Variants in DDX60L observed in about 807,000 individuals in gnomAD.
DDX60L encodes the protein DExD/H-box 60 like, also known as probable ATP-dependent RNA helicase DDX60-like.
DDX60L carries 191 observed loss-of-function variants against 211.6 expected under a neutral mutation model. That is an observed-to-expected ratio of 0.90 (90% confidence interval 0.80 to 1.02). The LOEUF (loss-of-function observed/expected upper bound fraction) is 1.02. Among genes scored for constraint, DDX60L ranks in the 50% least tolerant of loss-of-function variants. DDX60L has a pLI of 0.00. For synonymous variants in DDX60L, 706 were observed against 694.1 expected (o/e 1.02, Z -0.27); for missense variants, 2,007 against 1,984.1 (o/e 1.01, Z -0.22).
intron 1 of DDX60L, among the ~76,000 whole-genome samples, chr4:168,477,245 C>T (rs1464840593): frequency 1.3e-5 from 2 of 152,018 alleles, no homozygotes; most frequent in African/African-American, 2.4e-5. Flanking sequence ...GAAACCCTGT[C>T]TCTACTAAAA....
intron 36 of DDX60L, among the ~76,000 whole-genome samples, chr4:168,362,354 C>T (rs1027939514): frequency 6.6e-6 from 1 of 152,212 alleles, no homozygotes; most frequent in African/African-American, 2.4e-5. Flanking sequence ...TGCCACACAG[C>T]TGGCCAGCCC....
At chr4:168,452,939 G>A (rs753826707) in intron 8 of DDX60L, among the ~76,000 whole-genome samples, 185 bp downstream of exon 8, 2 of 152,126 alleles carry the variant, frequency 1.3e-5, no homozygotes, top group Non-Finnish European at 2.9e-5. Context: ...AGGCTCTCAT[G>A]CTTCTATAAA....
chr4:168,428,683 T>C (rs570471143), intron 13 of DDX60L, among the ~76,000 whole-genome samples: 3 of 152,266 alleles, frequency 2.0e-5, no homozygotes, highest in East Asian at 3.9e-4. Context: ...TAAATGTCTT[T>C]CCTTAATTCC....
intron 29 of DDX60L, among the ~76,000 whole-genome samples, chr4:168,388,860 T>C (rs1015706183): frequency 6.6e-5 from 10 of 152,126 alleles, no homozygotes; most frequent in African/African-American, 2.4e-4. Flanking sequence ...AAGGTAATGC[T>C]GACATGGTGG....
intron 25 of DDX60L, among the ~76,000 whole-genome samples, chr4:168,402,909 A>G (rs1210538654): frequency 2.0e-5 from 3 of 152,256 alleles, no homozygotes; most frequent in Non-Finnish European, 4.4e-5. Flanking sequence ...TAAAATGTCT[A>G]TTTTTAAAAA....
chr4:168,396,133 T>TTAA lies in DDX60L; in HGVS notation c.3492-10_3492-9insTTA. ...TTGGGTTTTTTTTAGTGCTACTATTTAAAAAAAAAAAAAAACTTTTAAGTA... is the reference window on the plus strand; with the variant it reads ...TTGGGTTTTTTTTAGTGCTACTATTTTAAAAAAAAAAAAAAAAACTTTTAAGTA... On this transcript the variant is annotated splice_polypyrimidine_tract_variant and intron_variant, in intron 26 of 37. Transcript: ENST00000682922. 1 of 1,176,276 alleles carries TTAA rather than the reference T, an allele frequency of 8.5e-7. No homozygotes were observed. The highest frequency in any genetic ancestry group is 1.1e-6 in the Non-Finnish European group (1 of 870,476). The allele number at this position is 1,176,276 out of a possible 1,614,324, so 72.9% of individuals were successfully genotyped here.
At chr4:168,467,445 C>CAAAAAAAAAAAAAAAA (rs199648164) in intron 4 of DDX60L, among the ~76,000 whole-genome samples, 2 of 109,106 alleles carry the variant, frequency 1.8e-5, no homozygotes, top group African/African-American at 3.3e-5. Context: ...GTTTCCATTC[C>CAAAAAAAAAAAAAAAA]AAAAAAAAAA....
Position 168,456,163 on chromosome 4 carries a change from A to C in DDX60L, c.724-11T>G. 6.7e-7 allele frequency: 1 copy of C among 1,489,186 alleles called. No homozygotes were observed. Among genetic ancestry groups the C allele is most frequent in the East Asian group, 2.5e-5 (1 of 39,992 alleles). The allele number at this position is 1,489,186 out of a possible 1,614,324, so 92.2% of individuals were successfully genotyped here. On this transcript the variant is annotated splice_polypyrimidine_tract_variant and intron_variant, in intron 6 of 37. Coordinates refer to ENST00000682922, the MANE Select transcript of DDX60L (RefSeq NM_001012967.3). ...TAGAGTCTGATACGCCTATCAAAAA[A>C]GAAATTTCTTCAAATGTCAAATTAT...
At chr4:168,361,995 T>G (rs1437219920) in intron 36 of DDX60L, among the ~76,000 whole-genome samples, 2 of 152,246 alleles carry the variant, frequency 1.3e-5, no homozygotes, top group African/African-American at 4.8e-5. Context: ...CAAAGCTATG[T>G]GGCAGCCCAC....
At chr4:168,455,722 T>C (rs1446516420) in intron 7 of DDX60L, among the ~76,000 whole-genome samples, 1 of 152,146 alleles carries the variant, frequency 6.6e-6, no homozygotes, top group African/African-American at 2.4e-5. Flanking sequence ...ACTTTCTCTG[T>C]TTTTTAGAAG....
intron 22 of DDX60L, among the ~76,000 whole-genome samples, chr4:168,412,426 T>C (rs1177284182): frequency 2.0e-5 from 3 of 151,844 alleles, no homozygotes; most frequent in Non-Finnish European, 4.4e-5. Flanking sequence ...CCTTGGGCCT[T>C]GAGTGAAGAT....
chr4:168,384,470 C>CAGCA, intron 30 of DDX60L, 142 bp downstream of exon 30: 1 of 1,068,210 alleles, frequency 9.4e-7, no homozygotes, highest in Non-Finnish European at 1.4e-6. Flanking sequence ...CTAGATGACA[C>CAGCA]AGCAAGACCC....
intron 26 of DDX60L, among the ~76,000 whole-genome samples, chr4:168,398,115 T>A (rs1746144005): frequency 6.6e-6 from 1 of 151,986 alleles, no homozygotes; most frequent in Admixed American, 6.5e-5. Flanking sequence ...ATCTCCACAC[T>A]CTCGGGGGCC....
intron 22 of DDX60L, among the ~76,000 whole-genome samples, chr4:168,411,756 G>C (rs1561013295): frequency 6.6e-6 from 1 of 152,134 alleles, no homozygotes; most frequent in East Asian, 1.9e-4. Flanking sequence ...TGAGACACCA[G>C]CTGAGGAGAG....
chr4:168,428,358 G>A (rs1399385416), intron 13 of DDX60L, among the ~76,000 whole-genome samples: 1 of 152,184 alleles, frequency 6.6e-6, no homozygotes, highest in Non-Finnish European at 1.5e-5. Context: ...GAATGGCTTT[G>A]AGGAGATATC....
rs549219545 is a variant in DDX60L, at chr4:168,472,738, C to T, written c.-39G>A. ...TGGGCTACAGGGTAGAAGAGTAGAG[C>T]TGGAATTTATTAAATATGGCTGATT... On this transcript the variant is annotated 5_prime_UTR_variant, in exon 2 of 38. Transcript: ENST00000682922. The T allele has an allele frequency of 5.0e-5, 81 of 1,607,452 alleles. No homozygotes were observed. The South Asian group carries it at 8.6e-4, about 17-fold the overall frequency.
intron 17 of DDX60L, among the ~76,000 whole-genome samples, 168 bp downstream of exon 17, chr4:168,421,592 T>C (rs1288721479): frequency 2.6e-5 from 4 of 151,930 alleles, no homozygotes; most frequent in Non-Finnish European, 5.9e-5. Flanking sequence ...GAGGTGGAGG[T>C]TGCAGTGAGC....
At chr4:168,449,817 A>T (rs1477781717) in intron 8 of DDX60L, among the ~76,000 whole-genome samples, 1 of 151,124 alleles carries the variant, frequency 6.6e-6, no homozygotes, top group Non-Finnish European at 1.5e-5. Context: ...AAAAAAAAAA[A>T]AAAAAAGAGG....
At chr4:168,428,413 T>C (rs1024634644) in intron 13 of DDX60L, among the ~76,000 whole-genome samples, 1 of 152,144 alleles carries the variant, frequency 6.6e-6, no homozygotes, top group African/African-American at 2.4e-5. Flanking sequence ...GGTTAATGAA[T>C]TGACGGTCTG....
Sources: allele counts gnomAD v4.1 joint callset (sites outside exome capture counted in the v4.1 genomes callset), GRCh38; gene constraint gnomAD v4.1.1; transcripts MANE v1.5; gene names NCBI Gene and HGNC (gene_info 2026-07-23, HGNC 2026-07-21).